CAPN9: variants seen among roughly 807,000 people sequenced by gnomAD.
CAPN9 encodes the protein calpain 9.
Under a neutral mutation model 92.8 loss-of-function variants are expected in CAPN9, and 81 were observed. That is an observed-to-expected ratio of 0.87 (90% CI 0.73 to 1.05). CAPN9 has a LOEUF of 1.05. Ranked by LOEUF, CAPN9 falls within the 50% of genes least tolerant of loss-of-function variation. The probability of loss-of-function intolerance (pLI) is 0.00; values close to 1 mark genes in which losing one functional copy is unlikely to be tolerated. For synonymous variants in CAPN9, 304 were observed against 328.0 expected (o/e 0.93, Z 0.79); for missense variants, 848 against 866.2 (o/e 0.98, Z 0.26).
intron 2 of CAPN9, among the ~76,000 whole-genome samples, chr1:230,758,650 C>A (rs1665413145): frequency 6.6e-6 from 1 of 152,230 alleles, no homozygotes; most frequent in Non-Finnish European, 1.5e-5. Flanking sequence ...AGCCCAGTGA[C>A]ATACGGTGCT....
At chr1:230,801,232 A>G (rs1668708847) in intron 19 of CAPN9, among the ~76,000 whole-genome samples, 1 of 151,990 alleles carries the variant, frequency 6.6e-6, no homozygotes, top group Non-Finnish European at 1.5e-5. Flanking sequence ...ACCCCTCATC[A>G]ACAAGGAAAA....
At chr1:230,772,363 C>A (rs1452373335) in intron 7 of CAPN9, among the ~76,000 whole-genome samples, 1 of 152,190 alleles carries the variant, frequency 6.6e-6, no homozygotes, top group Non-Finnish European at 1.5e-5. Context: ...AAATGTGTTA[C>A]CTCCCATGGT....
intron 13 of CAPN9, among the ~76,000 whole-genome samples, chr1:230,789,428 A>G (rs1296380228): frequency 1.4e-5 from 2 of 143,754 alleles, no homozygotes; most frequent in African/African-American, 5.2e-5. Context: ...AGCTGTGGTC[A>G]CACCACTAAT....
chr1:230,757,876 G>A (rs1665356491), intron 2 of CAPN9, among the ~76,000 whole-genome samples: 3 of 151,972 alleles, frequency 2.0e-5, no homozygotes, highest in Admixed American at 2.0e-4. Context: ...TGCAGTATGG[G>A]GTCCCTGAGA....
chr1:230,798,072 C>A, intron 18 of CAPN9, 90 bp from the exon 19 acceptor site: 5 of 892,138 alleles, frequency 5.6e-6, no homozygotes, highest in Non-Finnish European at 9.3e-6. Context: ...TCCCCACAGG[C>A]TCCACTGGAA....
chr1:230,767,717 G>C lies in CAPN9; in HGVS notation c.705+8G>C. The C allele has an allele frequency of 6.2e-7, 1 of 1,611,064 alleles. No individual in the cohort carries two copies. The highest frequency in any genetic ancestry group is 8.5e-7 in the Non-Finnish European group (1 of 1,178,682). Reference sequence around the variant, plus strand: ...CTGGGCTGCTTCATTGATGTAAGTTGCTCATGGGCTCCCATTCCAGGCACT... The same window carrying C: ...CTGGGCTGCTTCATTGATGTAAGTTCCTCATGGGCTCCCATTCCAGGCACT... On this transcript the variant is annotated splice_region_variant and intron_variant, in intron 5 of 19. Coordinates refer to ENST00000271971, the MANE Select transcript of CAPN9 (RefSeq NM_006615.3).
intron 4 of CAPN9, among the ~76,000 whole-genome samples, chr1:230,764,968 T>C (rs1372011144): frequency 6.6e-6 from 1 of 152,168 alleles, no homozygotes; most frequent in Non-Finnish European, 1.5e-5. Flanking sequence ...TGTATTTCCT[T>C]GCTTTGTCAG....
rs1157998667 is a variant in CAPN9, at chr1:230,793,004, G to A, written c.1870+76G>A. ...TGTGGGCAACCTGAGCAGATGGCAG[G>A]TCTTCTCTCTGCTGCCCAGGAGGTG... On this transcript the variant is annotated intron_variant, in intron 17 of 19. Coordinates refer to ENST00000271971, the MANE Select transcript of CAPN9 (RefSeq NM_006615.3). The A allele has an allele frequency of 3.6e-6, 4 of 1,105,066 alleles. No homozygotes were observed. The South Asian group carries it at 3.8e-5, about 10-fold the overall frequency. 68.5% of individuals were successfully genotyped at this position (1,105,066 alleles called of 1,614,324 possible).
intron 6 of CAPN9, among the ~76,000 whole-genome samples, 190 bp downstream of exon 6, chr1:230,769,453 G>A (rs187126500): frequency 3.3e-4 from 51 of 152,282 alleles, no homozygotes; most frequent in African/African-American, 1.1e-3. Flanking sequence ...TGATTCCACC[G>A]CAGCACAAAA....
intron 2 of CAPN9, 52 bp from the exon 3 acceptor site, chr1:230,759,460 A>T: frequency 7.7e-7 from 1 of 1,302,110 alleles, no homozygotes; most frequent in Non-Finnish European, 1.1e-6. Flanking sequence ...GAGTTTTCCT[A>T]TTTGCTGTGA....
chr1:230,759,542 C>G lies in CAPN9; in HGVS notation c.314C>G (p.Ser105Cys). 9.9e-6 allele frequency: 16 copies of G among 1,611,796 alleles called. No homozygotes were observed. The highest frequency in any genetic ancestry group is 1.4e-5 in the Non-Finnish European group (16 of 1,179,236). Residue 105 changes from serine to cysteine, a missense_variant, in exon 3 of 20, where the codon TCC (serine) becomes TGC (cysteine). Ser to Cys is a moderately radical substitution (Grantham distance 112, BLOSUM62 -1). Transcript: ENST00000271971. ...TGCTGGCTATTAGCCGCCATCGCCTCCCTTACGCTTAATCAAAAAGCACTG... is the reference window on the plus strand; with the variant it reads ...TGCTGGCTATTAGCCGCCATCGCCTGCCTTACGCTTAATCAAAAAGCACTG... ...GDCWLLAAIA[S>C]LTLNQKALAR... is the part of the protein sequence containing the mutation.
chr1:230,782,111 G>T (rs1046200221), intron 11 of CAPN9, among the ~76,000 whole-genome samples: 1 of 152,184 alleles, frequency 6.6e-6, no homozygotes, highest in Non-Finnish European at 1.5e-5. Flanking sequence ...CATGCCTCTT[G>T]TTCTCTATCT....
At chr1:230,751,574 G>GAAAAA (rs1460643276) in intron 1 of CAPN9, among the ~76,000 whole-genome samples, 1 of 82,562 alleles carries the variant, frequency 1.2e-5, no homozygotes, top group African/African-American at 5.6e-5. Context: ...AAGAAAGAAA[G>GAAAAA]AAGAAAGAAA....
At chr1:230,800,981 A>G (rs12743783) in intron 19 of CAPN9, among the ~76,000 whole-genome samples, 50,800 of 152,048 alleles carry the variant, frequency 0.33, 8,684 homozygotes, top group Middle Eastern at 0.47. Context: ...GTGCCCAGGA[A>G]GGAGGACAGA....
Position 230,747,461 on chromosome 1 carries a change from A to G in CAPN9, c.-36A>G, listed in dbSNP as rs1345054446. The G allele has an allele frequency of 6.4e-7, 1 of 1,574,320 alleles. No homozygotes were observed. Among genetic ancestry groups the G allele is most frequent in the Admixed American group, 1.7e-5 (1 of 59,982 alleles). ...CGCTTCTTCACTTTCTTTTCCATCC[A>G]CTGCCGGACCCAAGCCAGCCTTCCA... is the stretch of plus-strand genomic sequence containing the variant. On this transcript the variant is annotated 5_prime_UTR_variant, in exon 1 of 20. Coordinates refer to ENST00000271971, the MANE Select transcript of CAPN9 (RefSeq NM_006615.3).
At chr1:230,761,980 C>T (rs1665676137) in intron 3 of CAPN9, among the ~76,000 whole-genome samples, 1 of 152,250 alleles carries the variant, frequency 6.6e-6, no homozygotes, top group Non-Finnish European at 1.5e-5. Context: ...CAAACACATG[C>T]TTTCACACAT....
rs967896567 is a variant in CAPN9, at chr1:230,762,688, C to A, written c.438C>A (p.Ile146=). Reference sequence around the variant, plus strand: ...ACAGTGAGTGGCTGGACGTGGTGATCGATGACCGCCTGCCCACCTTCAGGG... The same window carrying A: ...ACAGTGAGTGGCTGGACGTGGTGATAGATGACCGCCTGCCCACCTTCAGGG... ...WQHSEWLDVV[I]DDRLPTFRDR... is the part of the protein sequence containing the mutation. Residue 146 remains isoleucine, a synonymous_variant, in exon 4 of 20, where the codon ATC becomes ATA. Coordinates refer to ENST00000271971, the MANE Select transcript of CAPN9 (RefSeq NM_006615.3). 4.3e-6 allele frequency: 7 copies of A among 1,613,988 alleles called. No individual in the cohort carries two copies. The highest frequency in any genetic ancestry group is 5.9e-6 in the Non-Finnish European group (7 of 1,179,986).
chr1:230,769,592 T>C (rs1019813099), intron 6 of CAPN9, among the ~76,000 whole-genome samples: 6 of 152,240 alleles, frequency 3.9e-5, no homozygotes, highest in African/African-American at 1.4e-4. Flanking sequence ...CAAATATATA[T>C]ACATACAATT....
chr1:230,755,397 G>A lies in CAPN9; in HGVS notation c.274G>A (p.Gly92Arg). 2 of 1,606,898 alleles carry A rather than the reference G, an allele frequency of 1.2e-6. No homozygotes were observed. The highest frequency in any genetic ancestry group is 1.7e-6 in the Non-Finnish European group (2 of 1,177,042). Residue 92 changes from glycine (G) to arginine (R), a missense_variant, in exon 2 of 20, where the codon GGA (glycine) becomes AGA (arginine). Coordinates refer to ENST00000271971, the MANE Select transcript of CAPN9 (RefSeq NM_006615.3). ...GGATRTDICQ[G>R]ELGDCWLLAA... Reference sequence around the variant, plus strand: ...GGCCACCAGGACTGATATCTGCCAGGGAGAGCTGGGTGAGTGTAAGTGGAT... The same window carrying A: ...GGCCACCAGGACTGATATCTGCCAGAGAGAGCTGGGTGAGTGTAAGTGGAT...
Sources: gnomAD v4.1 joint callset for allele counts (sites outside exome capture counted in the v4.1 genomes callset) on GRCh38, gnomAD v4.1.1 for gene constraint, MANE v1.5 for transcripts, NCBI Gene and HGNC (gene_info 2026-07-23, HGNC 2026-07-21) for gene names.